TMED10: variants seen among roughly 807,000 people sequenced by gnomAD.
TMED10 encodes the protein transmembrane p24 trafficking protein 10.
Under a neutral mutation model 23.1 loss-of-function variants are expected in TMED10, and 7 were observed. That is an observed-to-expected ratio of 0.30 (90% CI 0.17 to 0.57). The LOEUF (loss-of-function observed/expected upper bound fraction) is 0.57. TMED10 is among the 20% of genes least tolerant of loss of function. TMED10 has a pLI of 0.91. For missense variants in TMED10, 162 were observed against 274.8 expected, an observed-to-expected ratio of 0.59 and a Z score of 2.90; for synonymous variants, 113 against 106.9, an observed-to-expected ratio of 1.06 and a Z score of -0.35.
chr14:75,133,748 T>C lies in TMED10; in HGVS notation c.*1137A>G, dbSNP rs1445759223. On this transcript the variant is annotated 3_prime_UTR_variant, in exon 5 of 5. Transcript: ENST00000303575. ...TAGGGCAAAAAACTGAAAACAACTC[T>C]TATGTCCTTTAGTGGGTGAATGGTT... 5.4e-6 allele frequency: 1 copy of C among 184,822 alleles called. No homozygotes were observed. The highest frequency in any genetic ancestry group is 2.4e-5 in the African/African-American group (1 of 41,680). The allele number at this position is 184,822 out of a possible 1,614,324, so 11.4% of individuals were successfully genotyped here. A position where few individuals can be genotyped will look rare whatever the true frequency, so the allele number is the denominator to read the frequency against.
intron 3 of TMED10, among the ~76,000 whole-genome samples, chr14:75,147,185 G>GTTGTT (rs1895894758): frequency 8.6e-6 from 1 of 116,634 alleles, no homozygotes; most frequent in South Asian, 2.8e-4. Context: ...CTTCAAGGCT[G>GTTGTT]TTTTTTTTTT....
At chr14:75,158,219 CAGCTAAACAAT>C (rs1896044508) in intron 1 of TMED10, among the ~76,000 whole-genome samples, 1 of 152,182 alleles carries the variant, frequency 6.6e-6, no homozygotes, top group Non-Finnish European at 1.5e-5. Flanking sequence ...AAGTTAGCAT[CAGCTAAACAAT>C]CAAGGGAAAT....
At chr14:75,150,411 C>A (rs1474360710) in intron 2 of TMED10, among the ~76,000 whole-genome samples, 1 of 152,200 alleles carries the variant, frequency 6.6e-6, no homozygotes, top group Non-Finnish European at 1.5e-5. Flanking sequence ...ATCAGGATAT[C>A]TTCTTTCTTA....
chr14:75,165,489 G>C (rs1896149060), intron 1 of TMED10, among the ~76,000 whole-genome samples: 1 of 152,156 alleles, frequency 6.6e-6, no homozygotes, highest in Non-Finnish European at 1.5e-5. Flanking sequence ...GCCTCCCAAA[G>C]TGTTGGGATT....
At chr14:75,151,364 C>T (rs939877585) in intron 2 of TMED10, among the ~76,000 whole-genome samples, 1 of 151,616 alleles carries the variant, frequency 6.6e-6, no homozygotes, top group Non-Finnish European at 1.5e-5. Flanking sequence ...GGGTTACAGG[C>T]ACGAGCCACC....
chr14:75,168,992 C>A (rs920938954), intron 1 of TMED10, among the ~76,000 whole-genome samples: 1 of 152,048 alleles, frequency 6.6e-6, no homozygotes, highest in African/African-American at 2.4e-5. Flanking sequence ...GTAAAGAGAA[C>A]ATTATATTCA....
At chr14:75,176,325 C>T in intron 1 of TMED10, 30 bp downstream of exon 1, 1 of 1,612,494 alleles carries the variant, frequency 6.2e-7, no homozygotes, top group Non-Finnish European at 8.5e-7. Flanking sequence ...GCCGTCTTCC[C>T]TCCCGGCCCC....
intron 1 of TMED10, among the ~76,000 whole-genome samples, chr14:75,156,932 A>AAAAGAAAAGAAAAGAAAAG (rs1896026974): frequency 6.6e-6 from 1 of 151,518 alleles, no homozygotes; most frequent in Non-Finnish European, 1.5e-5. Flanking sequence ...AAAAGAAAAG[A>AAAAGAAAAGAAAAGAAAAG]AAAGAAAAGA....
chr14:75,132,629 GAC>G lies in TMED10; in HGVS notation c.*2254_*2255del. The stretch of plus-strand genomic sequence containing the variant: ...CTACTTTTATGCCACAGGAGAGGAA[GAC>G]ACAAGGAGTCAAAAGGGGGAAAAAA... On this transcript the variant is annotated 3_prime_UTR_variant, in exon 5 of 5. Transcript: ENST00000303575. 1 of 152,172 alleles carries G rather than the reference GAC, an allele frequency of 6.6e-6. No individual in the cohort carries two copies. The highest frequency in any genetic ancestry group is 1.9e-4 in the East Asian group (1 of 5,182). The allele number at this position is 152,172 out of a possible 1,614,324, so 9.4% of individuals were successfully genotyped here. A position where few individuals can be genotyped will look rare whatever the true frequency, so the allele number is the denominator to read the frequency against.
At chr14:75,141,507 T>C (rs1405487214) in intron 3 of TMED10, among the ~76,000 whole-genome samples, 1 of 152,206 alleles carries the variant, frequency 6.6e-6, no homozygotes, top group Non-Finnish European at 1.5e-5. Flanking sequence ...CATTCATATA[T>C]GCTCACAATG....
At chr14:75,164,573 ATATAT>A (rs1468612406) in intron 1 of TMED10, among the ~76,000 whole-genome samples, 2 of 3,318 alleles carry the variant, frequency 6.0e-4, no homozygotes, top group African/African-American at 2.3e-3. Context: ...ATATATATAT[ATATAT>A]TTTTTTTTTT....
chr14:75,164,577 A>ATATTTTTTTTTT (rs1566675301), intron 1 of TMED10, among the ~76,000 whole-genome samples: 1 of 45,134 alleles, frequency 2.2e-5, no homozygotes, highest in African/African-American at 2.2e-4. Flanking sequence ...ATATATATAT[A>ATATTTTTTTTTT]TTTTTTTTTT....
chr14:75,148,753 A>G (rs945395152), intron 2 of TMED10, among the ~76,000 whole-genome samples: 1 of 152,238 alleles, frequency 6.6e-6, no homozygotes, highest in African/African-American at 2.4e-5. Context: ...AGTCAATTCA[A>G]TAACTACTCA....
intron 1 of TMED10, among the ~76,000 whole-genome samples, chr14:75,165,962 C>A (rs1017594892): frequency 7.1e-6 from 1 of 141,424 alleles, no homozygotes; most frequent in Non-Finnish European, 1.5e-5. Context: ...ATAGGCAATA[C>A]GTCATGCTTG....
chr14:75,152,966 A>G (rs927448606), intron 1 of TMED10, among the ~76,000 whole-genome samples: 4 of 152,048 alleles, frequency 2.6e-5, no homozygotes, highest in African/African-American at 7.2e-5. Context: ...TACTAAAAAT[A>G]CCAAAATCAG....
chr14:75,147,762 T>C, intron 2 of TMED10, 25 bp from the exon 3 acceptor site: 1 of 1,613,514 alleles, frequency 6.2e-7, no homozygotes, highest in African/African-American at 1.3e-5. Flanking sequence ...AAAGGAATCA[T>C]TGTGTGAAAT....
rs753863757 is a variant in TMED10, at chr14:75,147,729, G to A, written c.346C>T (p.Arg116Trp). The change falls in exon 3 of 5, where the codon CGG becomes TGG. Residue 116 changes from arginine to tryptophan, a missense_variant. Physicochemically the swap from Arg to Trp is moderately radical, Grantham distance 101. Around this residue, in one of 2 missense-constraint regions of TMED10, gnomAD observed 126 missense variants for 239.5 expected, o/e 0.53. Transcript: ENST00000303575. ...AGGATCACGAGTTGGTCAGGTATCC[G>A]CCCTGTTCCTGAGAAAGAAATCAAA... ...EVCFESKGTG[R>W]IPDQLVILDM... 3.7e-6 allele frequency: 6 copies of A among 1,614,002 alleles called. No homozygotes were observed. Among genetic ancestry groups the A allele is most frequent in the East Asian group, 4.5e-5 (2 of 44,882 alleles).
intron 2 of TMED10, among the ~76,000 whole-genome samples, chr14:75,150,809 C>CTA (rs1352522041): frequency 6.6e-6 from 1 of 152,192 alleles, no homozygotes; most frequent in Non-Finnish European, 1.5e-5. Flanking sequence ...AACTGTCAGC[C>CTA]TATCCTCTTA....
At chr14:75,168,693 A>C (rs749285622) in intron 1 of TMED10, among the ~76,000 whole-genome samples, 12 of 152,236 alleles carry the variant, frequency 7.9e-5, no homozygotes, top group Non-Finnish European at 1.2e-4. Flanking sequence ...GATCTGAACC[A>C]AATCTATCTT....
Sources: gnomAD v4.1 joint callset for allele counts (sites outside exome capture counted in the v4.1 genomes callset) on GRCh38, gnomAD v4.1.1 for gene constraint, gnomAD v4.1.1 regional missense constraint, MANE v1.5 for transcripts, NCBI Gene and HGNC (gene_info 2026-07-23, HGNC 2026-07-21) for gene names.